The following ITGB3 variants were observed in gnomAD, a reference collection of about 807,000 sequenced individuals.
ITGB3 encodes the protein integrin beta-3.
Under a neutral mutation model 85.8 loss-of-function variants are expected in ITGB3, and 48 were observed. The ratio of observed to expected loss-of-function variants is 0.56; its 90% CI spans 0.44 to 0.71. The LOEUF (loss-of-function observed/expected upper bound fraction) is 0.71. Ranked by LOEUF, ITGB3 falls within the 30% of genes least tolerant of loss-of-function variation. ITGB3 has a pLI of 0.00. For missense variants in ITGB3, 861 were observed against 1,019.1 expected (o/e 0.84, Z 2.11); for synonymous variants, 363 against 395.6 (o/e 0.92, Z 0.98).
At position 47,283,676 on chromosome 17, in the gene ITGB3, G is replaced by C. The variant is rs946429214; in HGVS notation, c.361+127G>C. The C allele has an allele frequency of 9.0e-6, 8 of 886,344 alleles. No homozygotes were observed. The East Asian group carries it at 1.3e-4, about 14-fold the overall frequency. The allele number at this position is 886,344 out of a possible 1,614,324, so 54.9% of individuals were successfully genotyped here. ...AAATGGGGTGGGAAGACAAGGATGAGGGGGGAGGTGTGGGCAAGAGAATGG... is the reference window on the plus strand; with the variant it reads ...AAATGGGGTGGGAAGACAAGGATGACGGGGGAGGTGTGGGCAAGAGAATGG... On this transcript the variant is annotated intron_variant, in intron 3 of 14. Transcript: ENST00000559488.
chr17:47,284,518 T>C lies in ITGB3; in HGVS notation c.437T>C (p.Leu146Pro), dbSNP rs2065095643. ...YPVDIYYLMD[L>P]SYSMKDDLWS... Reference sequence around the variant, plus strand: ...GTGGACATCTACTACTTGATGGACCTGTCTTACTCCATGAAGGATGATCTG... The same window carrying C: ...GTGGACATCTACTACTTGATGGACCCGTCTTACTCCATGAAGGATGATCTG... Residue 146 changes from leucine (L) to proline (P), a missense_variant, in exon 4 of 15, where the codon CTG becomes CCG. Physicochemically the swap from Leu to Pro is moderately conservative, Grantham distance 98. Transcript: ENST00000559488. 2 of 1,614,186 alleles carry C rather than the reference T, an allele frequency of 1.2e-6. No homozygotes were observed. The highest frequency in any genetic ancestry group is 8.5e-7 in the Non-Finnish European group (1 of 1,180,028).
intron 10 of ITGB3, among the ~76,000 whole-genome samples, chr17:47,295,779 T>A (rs1018388296): frequency 5.4e-5 from 3 of 55,964 alleles, no homozygotes; most frequent in Non-Finnish European, 7.6e-5. Context: ...GGGGGGCGGG[T>A]GGGGGGGCAG....
Position 47,283,756 on chromosome 17 carries a change from T to G in ITGB3, c.361+207T>G, listed in dbSNP as rs13306486. On this transcript the variant is annotated intron_variant, in intron 3 of 14. Coordinates refer to ENST00000559488, the MANE Select transcript of ITGB3 (RefSeq NM_000212.3). ...CAGAAGATCTGAGGTGAATCTTTAC[T>G]GTATCATATATTAGCTATTTGACCT... Among the ~76,000 whole-genome samples, 192 of 152,346 alleles carry G rather than the reference T, an allele frequency of 1.3e-3. 5 individuals are homozygous for G. The East Asian group carries it at 0.031, about 25-fold the overall frequency.
chr17:47,306,506 G>A (rs1393295655), intron 13 of ITGB3, among the ~76,000 whole-genome samples: 1 of 152,104 alleles, frequency 6.6e-6, no homozygotes. Flanking sequence ...TTGAACTTCT[G>A]GACTCAAGCT....
rs375245562 is a variant in ITGB3 at position 47,289,655 on chromosome 17, A to T, written c.940-26A>T. On this transcript the variant is annotated intron_variant, in intron 6 of 14. Coordinates refer to ENST00000559488, the MANE Select transcript of ITGB3 (RefSeq NM_000212.3). ...CTAGAGATGTACATGAGACGTCATT[A>T]ACCTCTACATCCTTCATTTTCCTAG... 4.0e-6 allele frequency: 6 copies of T among 1,516,182 alleles called. No homozygotes were observed. In the African/African-American group the frequency reaches 8.2e-5, roughly 21 times the overall value. The allele number at this position is 1,516,182 out of a possible 1,614,324, so 93.9% of individuals were successfully genotyped here.
chr17:47,279,263 G>A (rs2065074868), intron 2 of ITGB3, among the ~76,000 whole-genome samples: 1 of 152,120 alleles, frequency 6.6e-6, no homozygotes, highest in Non-Finnish European at 1.5e-5. Flanking sequence ...CCCTTTTTGT[G>A]TAACATCCGG....
At chr17:47,293,496 C>G (rs896665383) in intron 10 of ITGB3, among the ~76,000 whole-genome samples, 1 of 152,092 alleles carries the variant, frequency 6.6e-6, no homozygotes, top group Non-Finnish European at 1.5e-5. Context: ...ATCCCTCTTG[C>G]GACAGACACA....
At chr17:47,290,516 T>C (rs12951133) in intron 8 of ITGB3, among the ~76,000 whole-genome samples, 2 of 151,232 alleles carry the variant, frequency 1.3e-5, no homozygotes, top group East Asian at 1.9e-4. Context: ...GGTGATTAGA[T>C]GGAGAAGGAG....
chr17:47,263,319 A>C (rs1186239709), intron 1 of ITGB3, among the ~76,000 whole-genome samples: 6 of 152,108 alleles, frequency 3.9e-5, no homozygotes. Flanking sequence ...ACCTCATTGG[A>C]GATGATAACC....
At chr17:47,296,125 T>G (rs2065145115) in intron 10 of ITGB3, among the ~76,000 whole-genome samples, 1 of 152,198 alleles carries the variant, frequency 6.6e-6, no homozygotes, top group South Asian at 2.1e-4. Flanking sequence ...AAGCTGTACT[T>G]CTAGGGAACC....
At chr17:47,290,448 A>AGAGGGAAGGAAGGAAGGAAG in intron 8 of ITGB3, among the ~76,000 whole-genome samples, 174 bp downstream of exon 8, 1 of 149,046 alleles carries the variant, frequency 6.7e-6, no homozygotes, top group South Asian at 2.2e-4. Context: ...CAGCCTTCTG[A>AGAGGGAAGGAAGGAAGGAAG]GAAGGAAGGA....
rs762198384 is a variant in ITGB3 at position 47,287,259 on chromosome 17, T to G, written c.939+28T>G. ...GAGATCTCTGGCACCACCTATGGTT[T>G]CTATTCATGATTGTGAGGGTTGCCC... On this transcript the variant is annotated intron_variant, in intron 6 of 14. Coordinates refer to ENST00000559488, the MANE Select transcript of ITGB3 (RefSeq NM_000212.3). The G allele has an allele frequency of 4.3e-6, 7 of 1,612,504 alleles. No individual in the cohort carries two copies. The Admixed American group carries it at 1.2e-4, about 27-fold the overall frequency.
At chr17:47,273,158 A>G (rs561587261) in intron 1 of ITGB3, among the ~76,000 whole-genome samples, 1 of 152,334 alleles carries the variant, frequency 6.6e-6, no homozygotes, top group Admixed American at 6.5e-5. Flanking sequence ...GAAGGAGGGA[A>G]TTCAGTCACA....
intron 14 of ITGB3, 25 bp from the exon 15 acceptor site, chr17:47,310,114 A>C (rs1358100109): frequency 1.2e-6 from 2 of 1,608,332 alleles, no homozygotes; most frequent in Non-Finnish European, 8.5e-7. Context: ...AGTCACTGTA[A>C]GATGCTATTC....
chr17:47,304,468 A>C (rs1216929004), intron 13 of ITGB3, among the ~76,000 whole-genome samples: 2 of 152,252 alleles, frequency 1.3e-5, no homozygotes, highest in African/African-American at 4.8e-5. Context: ...CTGGGCTCTT[A>C]TCACTCCCAG....
chr17:47,254,431 C>G (rs2064980644), intron 1 of ITGB3, among the ~76,000 whole-genome samples: 1 of 152,234 alleles, frequency 6.6e-6, no homozygotes, highest in South Asian at 2.1e-4. Flanking sequence ...TTTCCAATTT[C>G]TCCTGTTACG....
At chr17:47,297,391 C>T (rs748224285) in intron 10 of ITGB3, among the ~76,000 whole-genome samples, 6 of 152,144 alleles carry the variant, frequency 3.9e-5, no homozygotes, top group Non-Finnish European at 5.9e-5. Flanking sequence ...ACCAGCTGGC[C>T]GGGCCTGTAG....
At chr17:47,300,389 T>C in intron 11 of ITGB3, 89 bp from the exon 12 acceptor site, 1 of 898,918 alleles carries the variant, frequency 1.1e-6, no homozygotes, top group Non-Finnish European at 1.8e-6. Context: ...GTGGAGCAGC[T>C]TTCTGAATGC....
At chr17:47,264,809 A>C (rs1405168812) in intron 1 of ITGB3, among the ~76,000 whole-genome samples, 1 of 152,228 alleles carries the variant, frequency 6.6e-6, no homozygotes, top group Non-Finnish European at 1.5e-5. Context: ...TCAGCTCCAC[A>C]GAGAGACCTT....
Sources: allele counts gnomAD v4.1 joint callset (sites outside exome capture counted in the v4.1 genomes callset), GRCh38; gene constraint gnomAD v4.1.1; transcripts MANE v1.5; gene names NCBI Gene and HGNC (gene_info 2026-07-23, HGNC 2026-07-21).